Variants in COPS4 observed in about 807,000 individuals in gnomAD.
COPS4 encodes the protein COP9 signalosome complex subunit 4.
In COPS4, 8 loss-of-function variants were observed where a neutral mutation model predicts 55.1. That is an observed-to-expected ratio of 0.15 (90% confidence interval 0.09 to 0.26). The LOEUF (loss-of-function observed/expected upper bound fraction) is 0.26, where lower values mean the gene tolerates loss of function less well. Among genes scored for constraint, COPS4 ranks in the 10% least tolerant of loss-of-function variants. The pLI is 1.00. For missense variants in COPS4, 248 were observed against 484.0 expected, an observed-to-expected ratio of 0.51 and a Z score of 4.58; for synonymous variants, 185 against 165.7, an observed-to-expected ratio of 1.12 and a Z score of -0.90.
chr4:83,065,940 A>AG, intron 7 of COPS4, among the ~76,000 whole-genome samples: 1 of 152,154 alleles, frequency 6.6e-6, no homozygotes, highest in Non-Finnish European at 1.5e-5. Flanking sequence ...GCATCACTTG[A>AG]GGGTAGGTGA....
rs552917900 is a variant in COPS4 at position 83,062,689 on chromosome 4, A to G, written c.716-387A>G. On this transcript the variant is annotated intron_variant, in intron 6 of 9. Transcript: ENST00000264389. ...TCTGGGGGGTGTTCTTAAGTGCCCT[A>G]TGGAGAAAATATGTGTGTTAGATAG... is the stretch of plus-strand genomic sequence containing the variant. Among the ~76,000 whole-genome samples, 105 of 152,224 alleles carry G rather than the reference A, an allele frequency of 6.9e-4. 1 individual carries two copies. The highest frequency in any genetic ancestry group is 1.2e-3 in the Non-Finnish European group (83 of 68,040).
chr4:83,043,709 A>G (rs918879595), intron 1 of COPS4, among the ~76,000 whole-genome samples: 3 of 152,100 alleles, frequency 2.0e-5, no homozygotes, highest in Admixed American at 6.6e-5. Context: ...AAAAAATAAA[A>G]AATAACAAAC....
chr4:83,071,240 C>T (rs964889786), intron 9 of COPS4, among the ~76,000 whole-genome samples: 1 of 152,188 alleles, frequency 6.6e-6, no homozygotes, highest in Admixed American at 6.5e-5. Flanking sequence ...GTACATCCAA[C>T]ATCTGTTCCA....
intron 7 of COPS4, among the ~76,000 whole-genome samples, chr4:83,065,904 C>T (rs1476399478): frequency 1.3e-5 from 2 of 152,194 alleles, no homozygotes; most frequent in Non-Finnish European, 2.9e-5. Context: ...CCTGTAATCG[C>T]AGCACATTGG....
intron 2 of COPS4, among the ~76,000 whole-genome samples, chr4:83,047,444 A>AT (rs1553895993): frequency 1.3e-5 from 2 of 152,128 alleles, no homozygotes; most frequent in African/African-American, 4.8e-5. Flanking sequence ...AGTCCCAGCT[A>AT]TTGGGACGCT....
At chr4:83,057,110 T>C in intron 5 of COPS4, 31 bp downstream of exon 5, 3 of 1,588,760 alleles carry the variant, frequency 1.9e-6, no homozygotes, top group Non-Finnish European at 2.6e-6. Context: ...GAATTACTTT[T>C]GTATTGGAGA....
At chr4:83,064,902 C>CTTTTTTTTTTTTTTT (rs1180470999) in intron 7 of COPS4, among the ~76,000 whole-genome samples, 5 of 75,178 alleles carry the variant, frequency 6.7e-5, no homozygotes, top group Non-Finnish European at 9.9e-5. Context: ...TTTTTTTTTA[C>CTTTTTTTTTTTTTTT]TTTTTGAGAC....
At chr4:83,047,770 A>G (rs952492868) in intron 2 of COPS4, among the ~76,000 whole-genome samples, 2 of 152,156 alleles carry the variant, frequency 1.3e-5, no homozygotes, top group African/African-American at 4.8e-5. Context: ...GGAGACCGAG[A>G]TGGGCGGATC....
At chr4:83,044,940 C>T (rs1307250310) in intron 1 of COPS4, among the ~76,000 whole-genome samples, 1 of 152,164 alleles carries the variant, frequency 6.6e-6, no homozygotes, top group Non-Finnish European at 1.5e-5. Flanking sequence ...ACAAGAATTC[C>T]TGTCCTCGTG....
At chr4:83,063,433 T>C (rs928261388) in intron 7 of COPS4, among the ~76,000 whole-genome samples, 187 bp downstream of exon 7, 3 of 149,820 alleles carry the variant, frequency 2.0e-5, no homozygotes, top group African/African-American at 7.5e-5. Flanking sequence ...AGAGTCTTGC[T>C]CTGTCACCCA....
At chr4:83,074,933 CA>C (rs1174973006) in intron 9 of COPS4, among the ~76,000 whole-genome samples, 2 of 151,814 alleles carry the variant, frequency 1.3e-5, no homozygotes, top group Non-Finnish European at 2.9e-5. Flanking sequence ...CCAGCCTGGC[CA>C]AGGTGGTGAA....
rs562612389 is a variant in COPS4 at position 83,065,459 on chromosome 4, C to T, written c.887-979C>T. ...AAACTAGCAGATCGTGGGTGGAATT[C>T]TGGAAAAGGAGAAGTGAGGCATTGT... On this transcript the variant is annotated intron_variant, in intron 7 of 9. Transcript: ENST00000264389. Among the ~76,000 whole-genome samples, 10 of 152,090 alleles carry T rather than the reference C, an allele frequency of 6.6e-5. No individual in the cohort carries two copies. In the South Asian group the frequency reaches 2.1e-3, roughly 31 times the overall value.
At position 83,050,285 on chromosome 4, in the gene COPS4, C is replaced by CTTG. The variant is rs374355313; in HGVS notation, c.410+325_410+327dup. Among the ~76,000 whole-genome samples, 1,129 of 151,780 alleles carry CTTG rather than the reference C, an allele frequency of 7.4e-3. 5 individuals carry two copies. The highest frequency in any genetic ancestry group is 0.019 in the African/African-American group (789 of 41,388). On this transcript the variant is annotated intron_variant, in intron 4 of 9. Transcript: ENST00000264389. ...TGAGGAAAGAATATCACCAGATACT[C>CTTG]TTGTTGTTGTTGTTGTTGTTGTTGT...
chr4:83,052,202 A>G (rs1373342850), intron 4 of COPS4, among the ~76,000 whole-genome samples: 1 of 152,228 alleles, frequency 6.6e-6, no homozygotes, highest in Non-Finnish European at 1.5e-5. Flanking sequence ...GAAGAAAAAC[A>G]GGGTAGACGA....
In COPS4 at chr4:83,068,572, A is replaced by T. The variant is rs372451053; in HGVS notation, c.1087+50A>T. On this transcript the variant is annotated intron_variant, in intron 9 of 9. Transcript: ENST00000264389. ...CATAATGAAATAGCAGTGAACTGTT[A>T]TATTTGTGATTAAAACATGTTGGAC... 7 of 1,136,740 alleles carry T rather than the reference A, an allele frequency of 6.2e-6. No individual in the cohort carries two copies. In the African/African-American group the frequency reaches 9.2e-5, roughly 15 times the overall value. 70.4% of individuals were successfully genotyped at this position (1,136,740 alleles called of 1,614,324 possible).
intron 1 of COPS4, among the ~76,000 whole-genome samples, chr4:83,043,948 C>G (rs1730636142): frequency 6.6e-6 from 1 of 152,054 alleles, no homozygotes; most frequent in South Asian, 2.1e-4. Context: ...AATCAGATAA[C>G]CAAGGTTGTG....
intron 4 of COPS4, among the ~76,000 whole-genome samples, chr4:83,054,118 G>A (rs1056131705): frequency 1.3e-5 from 2 of 152,028 alleles, no homozygotes; most frequent in African/African-American, 4.8e-5. Flanking sequence ...TGAGGCAGGC[G>A]GATCACAAGG....
chr4:83,045,382 T>C (rs530511350), intron 1 of COPS4, among the ~76,000 whole-genome samples: 10 of 152,136 alleles, frequency 6.6e-5, no homozygotes, highest in Admixed American at 1.3e-4. Context: ...CTTGAAAACT[T>C]AAAAAATTCT....
rs562679050 is a variant in COPS4, at chr4:83,052,185, A to T, written c.410+2201A>T. 6.6e-5 allele frequency among the ~76,000 whole-genome samples: 10 copies of T among 152,312 alleles called. No homozygotes were observed. In the South Asian group the frequency reaches 2.1e-3, roughly 32 times the overall value. ...CTACCCTGTGGGGGAGTTTTCAAAA[A>T]AGGTAGGAAGAAAAACAGGGTAGAC... is the stretch of plus-strand genomic sequence containing the variant. On this transcript the variant is annotated intron_variant, in intron 4 of 9. Transcript: ENST00000264389.
Sources: gnomAD v4.1 joint callset for allele counts (sites outside exome capture counted in the v4.1 genomes callset) on GRCh38, gnomAD v4.1.1 for gene constraint, MANE v1.5 for transcripts, NCBI Gene and HGNC (gene_info 2026-07-23, HGNC 2026-07-21) for gene names.